Variants in ANKS1A observed in about 807,000 individuals in gnomAD.
The protein encoded by ANKS1A is ankyrin repeat and sterile alpha motif domain containing 1A.
A neutral mutation model predicts 120.3 loss-of-function variants in ANKS1A; 55 were observed. The ratio of observed to expected loss-of-function variants is 0.46; its 90% CI spans 0.37 to 0.57. The LOEUF is 0.57. Among genes scored for constraint, ANKS1A ranks in the 20% least tolerant of loss-of-function variants. The pLI, the probability that ANKS1A is intolerant of heterozygous loss-of-function variation, is 0.00. For missense variants in ANKS1A, 1,123 were observed against 1,480.3 expected (o/e 0.76, Z 3.96); for synonymous variants, 590 against 604.7 (o/e 0.98, Z 0.36).
rs923866728 is a variant in ANKS1A, at chr6:34,889,930, A to G, written c.197+331A>G. Among the ~76,000 whole-genome samples the G allele has an allele frequency of 6.9e-6, 1 of 144,794 alleles. No homozygotes were observed. Among genetic ancestry groups the G allele is most frequent in the African/African-American group, 2.8e-5 (1 of 35,976 alleles). 95.0% of individuals were successfully genotyped at this position (144,794 alleles called of 152,430 possible). A position where few individuals can be genotyped will look rare whatever the true frequency, so the allele number is the denominator to read the frequency against. ...TCGTAGCTCACAAAAGCCAATTAAG[A>G]GCAAATATGTATATCTTATATATAT... On this transcript the variant is annotated intron_variant, in intron 1 of 23. Coordinates refer to ENST00000360359, the MANE Select transcript of ANKS1A (RefSeq NM_015245.3). The surrounding 1 kb of genome is among the most constrained non-coding windows in gnomAD (Gnocchi z 5.5).
chr6:34,955,876 G>A lies in ANKS1A; in HGVS notation c.198-11363G>A, dbSNP rs377223790. Among the ~76,000 whole-genome samples the A allele has an allele frequency of 1.8e-4, 27 of 152,176 alleles. No individual in the cohort carries two copies. The East Asian group carries it at 2.5e-3, about 14-fold the overall frequency. The stretch of plus-strand genomic sequence containing the variant: ...AGGTGCTATTGAAAATTCTGGTGGC[G>A]CTTAATTCTTTGTATGCAAGCTGTT... On this transcript the variant is annotated intron_variant, in intron 1 of 23. Transcript: ENST00000360359.
intron 13 of ANKS1A, chr6:35,071,140 G>A (rs1777066227): frequency 3.5e-6 from 1 of 288,366 alleles, no homozygotes; most frequent in Non-Finnish European, 6.6e-6. Flanking sequence ...CTTGTGACCT[G>A]TAAGGCCACC....
chr6:35,001,332 C>G (rs1333006380), intron 10 of ANKS1A, among the ~76,000 whole-genome samples: 2 of 152,204 alleles, frequency 1.3e-5, no homozygotes, highest in African/African-American at 2.4e-5. Context: ...ATGCAAATGC[C>G]TGGTTGGAAT....
At chr6:35,079,767 A>G (rs932920011) in intron 15 of ANKS1A, 54 bp from the exon 16 acceptor site, 4 of 1,607,012 alleles carry the variant, frequency 2.5e-6, no homozygotes, top group Non-Finnish European at 3.4e-6. Context: ...GCTGGAGCGG[A>G]CTGTGAGTGA....
chr6:35,026,769 C>T (rs546295590), intron 11 of ANKS1A, among the ~76,000 whole-genome samples: 10 of 152,226 alleles, frequency 6.6e-5, no homozygotes, highest in Admixed American at 6.5e-4. Context: ...ACAAATATAC[C>T]TTATAACTTG....
intron 3 of ANKS1A, among the ~76,000 whole-genome samples, chr6:34,972,824 TG>T (rs1771252448): frequency 6.6e-6 from 1 of 152,210 alleles, no homozygotes; most frequent in Admixed American, 6.5e-5. Flanking sequence ...CAGTGGGTTT[TG>T]GCTTTATTTT....
chr6:35,035,794 G>A (rs571630931), intron 11 of ANKS1A, among the ~76,000 whole-genome samples: 9 of 152,172 alleles, frequency 5.9e-5, no homozygotes, highest in Admixed American at 3.9e-4. Context: ...GTTTCCTGCC[G>A]GTTTCCTGTG....
rs750989331 is a variant in ANKS1A, at chr6:34,889,541, A to AGCGGCGGCGGCG, written c.148_159dup (p.Gly50_Gly53dup). ...TGGCTCTGGGGGCGGCGGCGGCGGC[A>AGCGGCGGCGGCG]GCGGCGGCGGCGGCGGCGGCCTCGG... On this transcript the variant is annotated inframe_insertion, in exon 1 of 24. Transcript: ENST00000360359. This position sits in a 1 kb window ranked among gnomAD's most constrained non-coding sequence, Gnocchi z 5.5. 4.2e-6 allele frequency: 5 copies of AGCGGCGGCGGCG among 1,200,352 alleles called. No individual in the cohort carries two copies. The African/African-American group carries it at 7.4e-5, about 18-fold the overall frequency. 74.4% of individuals were successfully genotyped at this position (1,200,352 alleles called of 1,614,324 possible). A position where few individuals can be genotyped will look rare whatever the true frequency, so the allele number is the denominator to read the frequency against.
chr6:34,943,297 A>G (rs528993778), intron 1 of ANKS1A, among the ~76,000 whole-genome samples: 24 of 152,324 alleles, frequency 1.6e-4, no homozygotes, highest in Admixed American at 3.9e-4. Context: ...CAAAAAGTAC[A>G]GAGAGTTCCC....
intron 11 of ANKS1A, among the ~76,000 whole-genome samples, chr6:35,022,134 C>A (rs1400546994): frequency 2.0e-5 from 3 of 152,192 alleles, no homozygotes; most frequent in Non-Finnish European, 4.4e-5. Flanking sequence ...GGAGAGCCCA[C>A]CCAGCCTGAG....
At chr6:34,921,406 A>G (rs1051594606) in intron 1 of ANKS1A, among the ~76,000 whole-genome samples, 2 of 152,240 alleles carry the variant, frequency 1.3e-5, no homozygotes, top group Non-Finnish European at 2.9e-5. Context: ...AAGCCTTTAG[A>G]TTAGTAGGAT....
At chr6:34,891,709 C>T (rs1375113628) in intron 1 of ANKS1A, among the ~76,000 whole-genome samples, 1 of 152,044 alleles carries the variant, frequency 6.6e-6, no homozygotes, top group Non-Finnish European at 1.5e-5. Context: ...CTCACTGCAA[C>T]CTTCGCCTTC....
chr6:34,960,874 A>G (rs956440561), intron 1 of ANKS1A, among the ~76,000 whole-genome samples: 8 of 152,256 alleles, frequency 5.3e-5, no homozygotes, highest in African/African-American at 1.9e-4. Context: ...ACAAATGCAG[A>G]GACAGTAGTG....
intron 18 of ANKS1A, 96 bp from the exon 19 acceptor site, chr6:35,083,059 G>A: frequency 1.4e-6 from 2 of 1,466,004 alleles, no homozygotes; most frequent in Non-Finnish European, 1.9e-6. Flanking sequence ...ATTGAGAGGG[G>A]TAACTACTTG....
chr6:34,964,218 CT>C (rs1770785895), intron 1 of ANKS1A, among the ~76,000 whole-genome samples: 2 of 152,030 alleles, frequency 1.3e-5, no homozygotes, highest in Non-Finnish European at 2.9e-5. Flanking sequence ...AACATTTTGA[CT>C]TTTTTGTCTT....
At chr6:35,024,438 G>A (rs1469841838) in intron 11 of ANKS1A, among the ~76,000 whole-genome samples, 2 of 152,240 alleles carry the variant, frequency 1.3e-5, no homozygotes, top group Non-Finnish European at 2.9e-5. Context: ...ATAAACATTG[G>A]AGTCATTTAA....
intron 1 of ANKS1A, among the ~76,000 whole-genome samples, chr6:34,901,722 G>A (rs1018395289): frequency 2.6e-5 from 4 of 152,132 alleles, no homozygotes; most frequent in African/African-American, 7.2e-5. Context: ...TGTTTCCCAG[G>A]CTGGTCTTGA....
chr6:34,969,841 A>T (rs140098141), intron 2 of ANKS1A, among the ~76,000 whole-genome samples, 169 bp from the exon 3 acceptor site: 35 of 152,312 alleles, frequency 2.3e-4, no homozygotes, highest in African/African-American at 8.4e-4. Flanking sequence ...CAGCAGCTGT[A>T]CAAGTAGCTC....
At chr6:34,898,016 AT>A (rs1167487123) in intron 1 of ANKS1A, among the ~76,000 whole-genome samples, 4 of 152,132 alleles carry the variant, frequency 2.6e-5, no homozygotes, top group Non-Finnish European at 4.4e-5. Context: ...TGGGCCTGGG[AT>A]GGTGCCTATC....
Sources: gnomAD v4.1 joint callset for allele counts (sites outside exome capture counted in the v4.1 genomes callset) on GRCh38, gnomAD v4.1.1 for gene constraint, Gnocchi (gnomAD v3.1) non-coding constraint, MANE v1.5 for transcripts, NCBI Gene and HGNC (gene_info 2026-07-23, HGNC 2026-07-21) for gene names.